TRPV5: variants seen among roughly 807,000 people sequenced by gnomAD.
The protein encoded by TRPV5 is calcium transport protein 2.
In TRPV5, 66 loss-of-function variants were observed where a neutral mutation model predicts 74.1. The ratio of observed to expected loss-of-function variants is 0.89; its 90% CI spans 0.73 to 1.09. TRPV5 has a LOEUF of 1.09. Ranked by LOEUF, TRPV5 falls within the 50% of genes least tolerant of loss-of-function variation. The probability of loss-of-function intolerance (pLI) is 0.00; values close to 1 mark genes in which losing one functional copy is unlikely to be tolerated. For synonymous variants in TRPV5, 399 were observed against 360.7 expected (o/e 1.11, Z -1.20); for missense variants, 936 against 930.4 (o/e 1.01, Z -0.08).
chr7:142,923,500 T>G (rs1459400488), intron 8 of TRPV5, among the ~76,000 whole-genome samples: 2 of 152,152 alleles, frequency 1.3e-5, no homozygotes, highest in Non-Finnish European at 2.9e-5. Context: ...ATTAGCGTTC[T>G]TTGTTATCTA....
intron 8 of TRPV5, among the ~76,000 whole-genome samples, chr7:142,921,825 C>G (rs886317589): frequency 6.6e-6 from 1 of 152,180 alleles, no homozygotes; most frequent in Non-Finnish European, 1.5e-5. Flanking sequence ...CTGGAGGTAC[C>G]CAACCCAACT....
Position 142,908,127 on chromosome 7 carries a change from T to C in TRPV5, c.*387A>G, listed in dbSNP as rs917490912. 1.7e-5 allele frequency: 4 copies of C among 232,720 alleles called. No individual in the cohort carries two copies. The highest frequency in any genetic ancestry group is 1.5e-4 in the Admixed American group (3 of 19,882). 14.4% of individuals were successfully genotyped at this position (232,720 alleles called of 1,614,324 possible). A position where few individuals can be genotyped will look rare whatever the true frequency, so the allele number is the denominator to read the frequency against. Reference sequence around the variant, plus strand: ...AAAAAAAGAAGGGCCACAACCTCTATGCCATGCCTGGCTCTTCCCACGTAA... The same window carrying C: ...AAAAAAAGAAGGGCCACAACCTCTACGCCATGCCTGGCTCTTCCCACGTAA... On this transcript the variant is annotated 3_prime_UTR_variant, in exon 15 of 15. Coordinates refer to ENST00000265310, the MANE Select transcript of TRPV5 (RefSeq NM_019841.7).
At chr7:142,917,385 C>T (rs1016188524) in intron 8 of TRPV5, among the ~76,000 whole-genome samples, 1 of 151,964 alleles carries the variant, frequency 6.6e-6, no homozygotes, top group Non-Finnish European at 1.5e-5. Flanking sequence ...AATGTCGTGT[C>T]TTGATTTAAT....
At chr7:142,915,157 T>C in intron 10 of TRPV5, 111 bp from the exon 11 acceptor site, 1 of 1,522,908 alleles carries the variant, frequency 6.6e-7, no homozygotes, top group African/African-American at 1.4e-5. Context: ...TCTTTACACC[T>C]AAAACGCACA....
At position 142,915,006 on chromosome 7, in the gene TRPV5, G is replaced by T. The variant is rs775179978; in HGVS notation, c.1327C>A (p.Arg443=). Residue 443 remains arginine (R), a synonymous_variant, in exon 11 of 15, where the codon CGG becomes AGG. Transcript: ENST00000265310. ...ASLVLVTMVM[R]LTNTNGEVVP... ...ACCTCCCCATTGGTGTTGGTGAGCC[G>T]CATCACCATGGTCACCAGCACCAGG... 1.2e-6 allele frequency: 2 copies of T among 1,614,098 alleles called. No individual in the cohort carries two copies. The highest frequency in any genetic ancestry group is 3.3e-5 in the Admixed American group (2 of 60,014).
rs1430397838 is a variant in TRPV5 at position 142,925,290 on chromosome 7, G to C, written c.1122+239C>G. The C allele has an allele frequency of 2.0e-5, 12 of 591,370 alleles. No individual in the cohort carries two copies. In the Admixed American group the frequency reaches 3.0e-4, roughly 15 times the overall value. The allele number at this position is 591,370 out of a possible 1,614,324, so 36.6% of individuals were successfully genotyped here. A position where few individuals can be genotyped will look rare whatever the true frequency, so the allele number is the denominator to read the frequency against. On this transcript the variant is annotated intron_variant, in intron 8 of 14. Coordinates refer to ENST00000265310, the MANE Select transcript of TRPV5 (RefSeq NM_019841.7). The stretch of plus-strand genomic sequence containing the variant: ...TTCACAAAAGCACAGGCTTACTCAT[G>C]CCAAGCACTCTTTCAAAGTTTGTGT...
intron 1 of TRPV5, among the ~76,000 whole-genome samples, chr7:142,932,834 G>C (rs1222485485): frequency 2.0e-5 from 3 of 152,182 alleles, no homozygotes; most frequent in African/African-American, 7.2e-5. Flanking sequence ...ACTGAACTCA[G>C]AGCCCTCCAG....
At position 142,914,630 on chromosome 7, in the gene TRPV5, G is replaced by T; in HGVS notation, c.1519+10C>A. Reference sequence around the variant, plus strand: ...CTGCTGATCTAGTAGAGGAGTGTATGGTGCCTTACCGGAGGCAAATCCCAA... The same window carrying T: ...CTGCTGATCTAGTAGAGGAGTGTATTGTGCCTTACCGGAGGCAAATCCCAA... On this transcript the variant is annotated intron_variant, in intron 12 of 14. Transcript: ENST00000265310. 1 of 1,611,760 alleles carries T rather than the reference G, an allele frequency of 6.2e-7. No homozygotes were observed. The highest frequency in any genetic ancestry group is 8.5e-7 in the Non-Finnish European group (1 of 1,178,586).
In TRPV5 at chr7:142,915,022, C is replaced by A. The variant is rs545798060; in HGVS notation, c.1311G>T (p.Leu437=). ...TGGTGAGCCGCATCACCATGGTCAC[C>A]AGCACCAGGGAGGCATAGGTGATGC... ...VIIITYASLV[L]VTMVMRLTNT... is the part of the protein sequence containing the mutation. Residue 437 remains leucine (L), a synonymous_variant, in exon 11 of 15, where the codon CTG becomes CTT. Coordinates refer to ENST00000265310, the MANE Select transcript of TRPV5 (RefSeq NM_019841.7). 1 of 1,614,060 alleles carries A rather than the reference C, an allele frequency of 6.2e-7. No homozygotes were observed.
intron 12 of TRPV5, among the ~76,000 whole-genome samples, 197 bp from the exon 13 acceptor site, chr7:142,912,947 T>C (rs1795727361): frequency 6.6e-6 from 1 of 152,222 alleles, no homozygotes; most frequent in Non-Finnish European, 1.5e-5. Context: ...TGGAACTGTC[T>C]AACCCTAAGA....
At chr7:142,919,436 G>T (rs1393770539) in intron 8 of TRPV5, among the ~76,000 whole-genome samples, 1 of 152,170 alleles carries the variant, frequency 6.6e-6, no homozygotes, top group African/African-American at 2.4e-5. Flanking sequence ...AGGAAGCGGG[G>T]ATGGAGAGAC....
At position 142,915,285 on chromosome 7, in the gene TRPV5, G is replaced by C. The variant is rs1476637276; in HGVS notation, c.1286+22C>G. The C allele has an allele frequency of 3.1e-6, 5 of 1,608,292 alleles. No homozygotes were observed. In the Admixed American group the frequency reaches 8.6e-5, roughly 28 times the overall value. On this transcript the variant is annotated intron_variant, in intron 10 of 14. Coordinates refer to ENST00000265310, the MANE Select transcript of TRPV5 (RefSeq NM_019841.7). ...AGATTCTGGTAAGGAAAGGCAGGGG[G>C]CTGGAATGAGGGGATACTCACATGA...
intron 8 of TRPV5, among the ~76,000 whole-genome samples, chr7:142,922,987 G>A (rs894631793): frequency 6.6e-6 from 1 of 152,126 alleles, no homozygotes; most frequent in South Asian, 2.1e-4. Flanking sequence ...ACCTTATACA[G>A]AGGAATTTGT....
At chr7:142,929,715 C>A (rs1487281461) in intron 3 of TRPV5, 150 bp from the exon 4 acceptor site, 6 of 1,248,256 alleles carry the variant, frequency 4.8e-6, no homozygotes, top group East Asian at 2.5e-5. Context: ...GGACTAAGAG[C>A]AATTCATCCC....
chr7:142,925,197 G>C, intron 8 of TRPV5: 1 of 521,624 alleles, frequency 1.9e-6, no homozygotes, highest in Non-Finnish European at 3.4e-6. Context: ...TCCTCCTTTT[G>C]AGCAATAGAG....
chr7:142,929,629 T>TC (rs1198282872), intron 3 of TRPV5, 64 bp from the exon 4 acceptor site: 1 of 1,584,562 alleles, frequency 6.3e-7, no homozygotes, highest in Admixed American at 1.7e-5. Flanking sequence ...GGACACAGCA[T>TC]CCCCCACCAT....
Position 142,933,514 on chromosome 7 carries a change from C to G in TRPV5, c.-55G>C. The G allele has an allele frequency of 1.9e-6, 3 of 1,580,924 alleles. No individual in the cohort carries two copies. Among genetic ancestry groups the G allele is most frequent in the Non-Finnish European group, 2.6e-6 (3 of 1,164,954 alleles). On this transcript the variant is annotated 5_prime_UTR_variant, in exon 1 of 15. Transcript: ENST00000265310. The stretch of plus-strand genomic sequence containing the variant: ...TAGAAATGTGGCGAAAGAAACAGGT[C>G]TAGGATGACAGCAACTGAGCAAGAG...
At chr7:142,933,107 C>T (rs1796123212) in intron 1 of TRPV5, among the ~76,000 whole-genome samples, 1 of 152,172 alleles carries the variant, frequency 6.6e-6, no homozygotes, top group Non-Finnish European at 1.5e-5. Context: ...GTCCTTAGGT[C>T]TACCCTCAAG....
At chr7:142,927,322 G>A (rs1796005655) in intron 7 of TRPV5, among the ~76,000 whole-genome samples, 1 of 152,310 alleles carries the variant, frequency 6.6e-6, no homozygotes, top group South Asian at 2.1e-4. Context: ...TGAGGAAGTT[G>A]ATGAACAGGA....
Sources: allele counts gnomAD v4.1 joint callset (sites outside exome capture counted in the v4.1 genomes callset), GRCh38; gene constraint gnomAD v4.1.1; transcripts MANE v1.5; gene names NCBI Gene and HGNC (gene_info 2026-07-23, HGNC 2026-07-21).